RALYL: variants seen among roughly 807,000 people sequenced by gnomAD.
The protein encoded by RALYL is RNA-binding Raly-like protein.
Under a neutral mutation model 35.1 loss-of-function variants are expected in RALYL, and 29 were observed. That is an observed-to-expected ratio of 0.83 (90% CI 0.61 to 1.13). The LOEUF (loss-of-function observed/expected upper bound fraction) is 1.13, where lower values mean the gene tolerates loss of function less well. RALYL is among the 50% of genes most tolerant of loss of function. The probability of loss-of-function intolerance (pLI) is 0.00; values close to 1 mark genes in which losing one functional copy is unlikely to be tolerated. For synonymous variants in RALYL, 120 were observed against 127.6 expected, an observed-to-expected ratio of 0.94 and a Z score of 0.40; for missense variants, 359 against 360.4, an observed-to-expected ratio of 1.00 and a Z score of 0.03.
intron 2 of RALYL, among the ~76,000 whole-genome samples, chr8:84,555,807 C>A (rs2061076043): frequency 2.6e-5 from 4 of 151,690 alleles, no homozygotes; most frequent in Admixed American, 2.0e-4. Flanking sequence ...ATTTAGATAT[C>A]CCATCAGTAT....
intron 8 of RALYL, among the ~76,000 whole-genome samples, chr8:84,895,911 G>A (rs956033211): frequency 6.6e-6 from 1 of 152,164 alleles, no homozygotes; most frequent in African/African-American, 2.4e-5. Flanking sequence ...TTAAGTCACA[G>A]TTATATTAAT....
chr8:84,243,929 G>T (rs1462866501), intron 1 of RALYL, among the ~76,000 whole-genome samples: 1 of 152,116 alleles, frequency 6.6e-6, no homozygotes, highest in Non-Finnish European at 1.5e-5. Context: ...GTCAGACTTA[G>T]TCAGTTGCTA....
intron 2 of RALYL, among the ~76,000 whole-genome samples, chr8:84,675,973 C>A (rs1438515954): frequency 2.6e-5 from 4 of 152,082 alleles, no homozygotes; most frequent in Admixed American, 6.6e-5. Context: ...AACTGCAAGG[C>A]AATTGATGTG....
In RALYL at chr8:84,789,252, G is replaced by A. The variant is rs527925478; in HGVS notation, c.332+14598G>A. Among the ~76,000 whole-genome samples, 58 of 152,282 alleles carry A rather than the reference G, an allele frequency of 3.8e-4. 1 individual carries two copies. The highest frequency in any genetic ancestry group is 6.0e-4 in the Non-Finnish European group (41 of 68,022). ...ATGTGATACACCAACCAATAGCTGA[G>A]TTTGAAAAGGAAACAGAAGATGACC... On this transcript the variant is annotated intron_variant, in intron 3 of 8. Transcript: ENST00000521268.
At chr8:84,627,629 C>T (rs1823025555) in intron 2 of RALYL, among the ~76,000 whole-genome samples, 1 of 151,502 alleles carries the variant, frequency 6.6e-6, no homozygotes, top group Admixed American at 6.6e-5. Context: ...TTTCCCCTGT[C>T]TCTTTCACTT....
At chr8:84,647,417 G>A (rs1296620911) in intron 2 of RALYL, among the ~76,000 whole-genome samples, 1 of 152,040 alleles carries the variant, frequency 6.6e-6, no homozygotes, top group African/African-American at 2.4e-5. Context: ...TATTTGTAAG[G>A]ACTGAATAAA....
chr8:84,193,646 A>G (rs1814524529), intron 1 of RALYL, among the ~76,000 whole-genome samples: 1 of 152,156 alleles, frequency 6.6e-6, no homozygotes. Flanking sequence ...TGGTATGGAG[A>G]TAGGAGCTAG....
chr8:84,389,647 G>A (rs567879901), intron 1 of RALYL, among the ~76,000 whole-genome samples: 1 of 150,800 alleles, frequency 6.6e-6, no homozygotes, highest in East Asian at 1.9e-4. Flanking sequence ...CTCTGTTTGT[G>A]TGTTACTGGT....
In RALYL at chr8:84,503,025, G is replaced by A. The variant is rs192249011; in HGVS notation, c.-23-26274G>A. Reference sequence around the variant, plus strand: ...ATTTGAATAATCAGTTTTAGTAATGGAATAAGAAGAAATATTGGCACGGGA... The same window carrying A: ...ATTTGAATAATCAGTTTTAGTAATGAAATAAGAAGAAATATTGGCACGGGA... On this transcript the variant is annotated intron_variant, in intron 1 of 8. Coordinates refer to ENST00000521268, the MANE Select transcript of RALYL (RefSeq NM_173848.7). Among the ~76,000 whole-genome samples, 268 of 152,062 alleles carry A rather than the reference G, an allele frequency of 1.8e-3. 3 individuals carry two copies. Among genetic ancestry groups the A allele is most frequent in the African/African-American group, 6.1e-3 (253 of 41,530 alleles).
At chr8:84,654,757 G>C (rs1362735862) in intron 2 of RALYL, among the ~76,000 whole-genome samples, 1 of 152,060 alleles carries the variant, frequency 6.6e-6, no homozygotes. Flanking sequence ...GCAAAAACAG[G>C]ATCTCATTTT....
At position 84,525,395 on chromosome 8, in the gene RALYL, C is replaced by T. The variant is rs556862640; in HGVS notation, c.-23-3904C>T. The stretch of plus-strand genomic sequence containing the variant: ...CAAAATATAGATATTTTTTCCAATG[C>T]CTGACAGCTCTCTATTTTTTCTTTT... On this transcript the variant is annotated intron_variant, in intron 1 of 8. Transcript: ENST00000521268. Among the ~76,000 whole-genome samples, 5 of 152,072 alleles carry T rather than the reference C, an allele frequency of 3.3e-5. No individual in the cohort carries two copies. The East Asian group carries it at 9.7e-4, about 29-fold the overall frequency.
chr8:84,593,681 A>T (rs1257252835), intron 2 of RALYL, among the ~76,000 whole-genome samples: 1 of 152,132 alleles, frequency 6.6e-6, no homozygotes, highest in East Asian at 1.9e-4. Flanking sequence ...ATAATTTCAC[A>T]GATTGTGTCT....
intron 2 of RALYL, among the ~76,000 whole-genome samples, chr8:84,564,005 A>T (rs1242996896): frequency 1.3e-5 from 2 of 151,752 alleles, no homozygotes; most frequent in African/African-American, 2.4e-5. Flanking sequence ...ATATATACAC[A>T]AAAGAATACA....
chr8:84,409,758 TA>T (rs1260425844), intron 1 of RALYL, among the ~76,000 whole-genome samples: 1 of 152,066 alleles, frequency 6.6e-6, no homozygotes, highest in Admixed American at 6.6e-5. Context: ...AATTAAATCT[TA>T]ACACATTACC....
At chr8:84,658,111 A>G (rs1304125728) in intron 2 of RALYL, among the ~76,000 whole-genome samples, 1 of 152,170 alleles carries the variant, frequency 6.6e-6, no homozygotes, top group Non-Finnish European at 1.5e-5. Context: ...TGAAAACTGT[A>G]TCCTCGAATT....
At chr8:84,771,709 T>A (rs1326728648) in intron 2 of RALYL, among the ~76,000 whole-genome samples, 1 of 152,056 alleles carries the variant, frequency 6.6e-6, no homozygotes, top group Non-Finnish European at 1.5e-5. Context: ...TTTACTAGGC[T>A]TTTTATTAAT....
chr8:84,905,923 T>C (rs1299694796), intron 8 of RALYL, among the ~76,000 whole-genome samples: 1 of 152,120 alleles, frequency 6.6e-6, no homozygotes, highest in East Asian at 1.9e-4. Flanking sequence ...TTTTTTTACA[T>C]TCCAAACCTA....
chr8:84,305,176 A>G (rs181647282), intron 1 of RALYL, among the ~76,000 whole-genome samples: 1 of 152,344 alleles, frequency 6.6e-6, no homozygotes, highest in Admixed American at 6.5e-5. Context: ...ATCCAAGTAT[A>G]TAACCAATTT....
At chr8:84,863,174 A>G (rs1838468579) in intron 6 of RALYL, among the ~76,000 whole-genome samples, 1 of 152,218 alleles carries the variant, frequency 6.6e-6, no homozygotes. Context: ...AAGCTGACCT[A>G]TAGGTAAAAG....
Sources: gnomAD v4.1 joint callset for allele counts (sites outside exome capture counted in the v4.1 genomes callset) on GRCh38, gnomAD v4.1.1 for gene constraint, MANE v1.5 for transcripts, NCBI Gene and HGNC (gene_info 2026-07-23, HGNC 2026-07-21) for gene names.